The following NFIB variants were observed in gnomAD, a reference collection of about 807,000 sequenced individuals.
The protein encoded by NFIB is nuclear factor 1 B-type.
Under a neutral mutation model 61.5 loss-of-function variants are expected in NFIB, and 11 were observed. The observed-to-expected ratio is 0.18, with a 90% CI of 0.11 to 0.30. The LOEUF (loss-of-function observed/expected upper bound fraction) is 0.30, where lower values mean the gene tolerates loss of function less well. NFIB is among the 10% of genes least tolerant of loss of function. The probability of loss-of-function intolerance (pLI) is 1.00; values close to 1 mark genes in which losing one functional copy is unlikely to be tolerated. For missense variants in NFIB, 471 were observed against 608.9 expected, an observed-to-expected ratio of 0.77 and a Z score of 2.38; for synonymous variants, 260 against 216.5, an observed-to-expected ratio of 1.20 and a Z score of -1.76.
intron 2 of NFIB, among the ~76,000 whole-genome samples, chr9:14,234,529 C>T (rs1410117863): frequency 1.3e-5 from 2 of 151,916 alleles, no homozygotes; most frequent in African/African-American, 2.4e-5. Context: ...ACCACCACGC[C>T]CAGCTAATTT....
intron 8 of NFIB, among the ~76,000 whole-genome samples, chr9:14,117,270 A>G (rs1007703907): frequency 1.3e-5 from 2 of 152,180 alleles, no homozygotes; most frequent in African/African-American, 4.8e-5. Context: ...AGATGTTACT[A>G]TCTGAGTTTT....
intron 3 of NFIB, among the ~76,000 whole-genome samples, chr9:14,178,831 C>T (rs2046441194): frequency 6.6e-6 from 1 of 152,110 alleles, no homozygotes; most frequent in Admixed American, 6.6e-5. Flanking sequence ...GACCTAAAAA[C>T]TAAGTCTACC....
At chr9:14,521,003 G>C in the NFIB span, among the ~76,000 whole-genome samples, 3 of 152,138 alleles carry the variant, frequency 2.0e-5, no homozygotes, top group Non-Finnish European at 4.4e-5. Flanking sequence ...TGGATGCTCA[G>C]CTGTTTTTCT....
intron 2 of NFIB, among the ~76,000 whole-genome samples, chr9:14,257,334 A>G (rs1355869231): frequency 6.6e-6 from 1 of 152,216 alleles, no homozygotes; most frequent in African/African-American, 2.4e-5. Flanking sequence ...GAAACACTGA[A>G]AGTCACTCTT....
At chr9:14,312,607 T>C (rs983809257) in intron 1 of NFIB, among the ~76,000 whole-genome samples, 1 of 152,186 alleles carries the variant, frequency 6.6e-6, no homozygotes, top group Non-Finnish European at 1.5e-5. Context: ...TATTTGACCG[T>C]CTGGCTTAAA....
the NFIB span, among the ~76,000 whole-genome samples, chr9:14,497,957 T>C: frequency 2.6e-5 from 4 of 152,206 alleles, no homozygotes; most frequent in Admixed American, 6.5e-5. Flanking sequence ...GTTTCAAAGA[T>C]TGTCTGCACT....
chr9:14,284,612 G>A (rs898096613), intron 2 of NFIB, among the ~76,000 whole-genome samples: 6 of 152,058 alleles, frequency 3.9e-5, no homozygotes, highest in African/African-American at 7.2e-5. Context: ...TAAAATATAC[G>A]TTCTTTGTTC....
chr9:14,227,155 A>G (rs556317204), intron 2 of NFIB, among the ~76,000 whole-genome samples: 42 of 151,818 alleles, frequency 2.8e-4, no homozygotes, highest in African/African-American at 7.5e-4. Context: ...AAAAAAAAAA[A>G]AAAGAAAGAA....
intron 1 of NFIB, among the ~76,000 whole-genome samples, chr9:14,350,132 A>G (rs952411245): frequency 6.6e-6 from 1 of 152,140 alleles, no homozygotes; most frequent in African/African-American, 2.4e-5. Flanking sequence ...TCCAGCGCTC[A>G]GCCTCGGTGC....
rs1327769953 is a variant in NFIB, at chr9:14,129,412, C to CA, written c.926-3647dup. ...CAAAAAAAAAAAAAAGACAAAAAAA[C>CA]AAAAAAAAAACACCCTCTCTAGACT... On this transcript the variant is annotated intron_variant, in intron 6 of 10. Coordinates refer to ENST00000380953, the MANE Select transcript of NFIB (RefSeq NM_001190737.2). Among the ~76,000 whole-genome samples, 248 of 127,974 alleles carry CA rather than the reference C, an allele frequency of 1.9e-3. 1 individual carries two copies. The highest frequency in any genetic ancestry group is 4.1e-3 in the Middle Eastern group (1 of 244). The allele number at this position is 127,974 out of a possible 152,430, so 84.0% of individuals were successfully genotyped here.
intron 6 of NFIB, among the ~76,000 whole-genome samples, chr9:14,145,537 C>G (rs1164507204): frequency 1.3e-5 from 2 of 152,090 alleles, no homozygotes; most frequent in Non-Finnish European, 2.9e-5. Flanking sequence ...TTGGCCTTAA[C>G]TGTTAAGGCC....
At chr9:14,459,429 G>T in the NFIB span, among the ~76,000 whole-genome samples, 21 of 152,124 alleles carry the variant, frequency 1.4e-4, no homozygotes, top group African/African-American at 5.1e-4. Context: ...AGAAAACCTA[G>T]GCAATACCAT....
intron 1 of NFIB, among the ~76,000 whole-genome samples, chr9:14,371,774 A>C (rs1193625427): frequency 6.6e-6 from 1 of 152,122 alleles, no homozygotes; most frequent in Non-Finnish European, 1.5e-5. Context: ...GGCTCCAGTG[A>C]CTCCATCAAT....
intron 5 of NFIB, among the ~76,000 whole-genome samples, chr9:14,147,828 G>C (rs1049097247): frequency 2.0e-5 from 3 of 151,756 alleles, no homozygotes; most frequent in Non-Finnish European, 4.4e-5. Flanking sequence ...TTTTTGTAGA[G>C]ATGGGGTTTT....
chr9:14,154,295 A>T (rs934012322), intron 4 of NFIB, among the ~76,000 whole-genome samples: 1 of 152,090 alleles, frequency 6.6e-6, no homozygotes, highest in East Asian at 1.9e-4. Flanking sequence ...TATACCATTG[A>T]ACTTGAACTC....
chr9:14,227,141 CAAA>C (rs747407066), intron 2 of NFIB, among the ~76,000 whole-genome samples: 4 of 85,118 alleles, frequency 4.7e-5, no homozygotes, highest in Non-Finnish European at 7.6e-5. Flanking sequence ...AACTCCGTGT[CAAA>C]AAAAAAAAAA....
intron 1 of NFIB, among the ~76,000 whole-genome samples, chr9:14,359,579 A>C (rs2061215057): frequency 1.3e-5 from 2 of 152,174 alleles, no homozygotes; most frequent in Admixed American, 1.3e-4. Context: ...AATGTGAGAT[A>C]ATCAATTTCT....
chr9:14,471,848 C>G, the NFIB span, among the ~76,000 whole-genome samples: 1 of 152,202 alleles, frequency 6.6e-6, no homozygotes, highest in South Asian at 2.1e-4. Context: ...TTGGGACAAA[C>G]AGGAATAATT....
chr9:14,193,370 T>C (rs2048155584), intron 2 of NFIB, among the ~76,000 whole-genome samples: 1 of 152,190 alleles, frequency 6.6e-6, no homozygotes, highest in African/African-American at 2.4e-5. Flanking sequence ...TACATTTACT[T>C]ATATTTCATG....
Sources: allele counts gnomAD v4.1 joint callset (sites outside exome capture counted in the v4.1 genomes callset), GRCh38; gene constraint gnomAD v4.1.1; transcripts MANE v1.5; gene names NCBI Gene and HGNC (gene_info 2026-07-23, HGNC 2026-07-21).